Variants in ATP6V1C2 observed in about 807,000 individuals in gnomAD.
ATP6V1C2 encodes V-type proton ATPase subunit C 2.
ATP6V1C2 carries 45 observed loss-of-function variants against 56.8 expected under a neutral mutation model. The observed-to-expected ratio is 0.79, with a 90% CI of 0.62 to 1.02. The LOEUF is 1.02. Among genes scored for constraint, ATP6V1C2 ranks in the 50% least tolerant of loss-of-function variants. The probability of loss-of-function intolerance (pLI) is 0.00; values close to 1 mark genes in which losing one functional copy is unlikely to be tolerated. For synonymous variants in ATP6V1C2, 220 were observed against 201.3 expected (o/e 1.09, Z -0.79); for missense variants, 463 against 519.7 (o/e 0.89, Z 1.06).
chr2:10,749,390 A>G (rs1177781126), intron 3 of ATP6V1C2, among the ~76,000 whole-genome samples: 2 of 152,048 alleles, frequency 1.3e-5, no homozygotes, highest in Non-Finnish European at 2.9e-5. Flanking sequence ...ATATATGAAC[A>G]TGCTATCCAC....
At chr2:10,764,447 G>A (rs1234799130) in intron 5 of ATP6V1C2, 22 bp downstream of exon 5, 6 of 1,604,282 alleles carry the variant, frequency 3.7e-6, no homozygotes, top group Admixed American at 3.3e-5. Context: ...GACTGCTCTG[G>A]GGAACAGCTG....
intron 6 of ATP6V1C2, among the ~76,000 whole-genome samples, chr2:10,770,417 C>A (rs1309972154): frequency 1.3e-5 from 2 of 152,218 alleles, no homozygotes; most frequent in Admixed American, 1.3e-4. Flanking sequence ...AAGCCCACTT[C>A]AACTGGAAAC....
chr2:10,726,861 A>C (rs1398470079), intron 3 of ATP6V1C2, among the ~76,000 whole-genome samples: 1 of 152,146 alleles, frequency 6.6e-6, no homozygotes, highest in African/African-American at 2.4e-5. Flanking sequence ...GTTTCCCACC[A>C]AGCCTTTTTA....
At chr2:10,743,994 AAAAT>A (rs1423216834) in intron 3 of ATP6V1C2, among the ~76,000 whole-genome samples, 187 of 36,558 alleles carry the variant, frequency 5.1e-3, no homozygotes, top group Middle Eastern at 0.013. Context: ...AAAAAAAAAA[AAAAT>A]AATAATAATA....
At chr2:10,732,322 G>A (rs537160280) in intron 3 of ATP6V1C2, among the ~76,000 whole-genome samples, 1 of 152,062 alleles carries the variant, frequency 6.6e-6, no homozygotes, top group African/African-American at 2.4e-5. Flanking sequence ...GCAGTGGCGT[G>A]ATCTTGGCTC....
intron 3 of ATP6V1C2, among the ~76,000 whole-genome samples, chr2:10,748,891 C>T (rs1398723927): frequency 6.6e-6 from 1 of 151,534 alleles, no homozygotes; most frequent in Non-Finnish European, 1.5e-5. Flanking sequence ...GCACTTTGGG[C>T]GGCCGAGTGG....
At chr2:10,731,179 G>C (rs1661932139) in intron 3 of ATP6V1C2, among the ~76,000 whole-genome samples, 1 of 148,458 alleles carries the variant, frequency 6.7e-6, no homozygotes, top group South Asian at 2.1e-4. Flanking sequence ...GAACTCCTGG[G>C]CTCTAGCAAT....
chr2:10,741,892 C>CTCCTTCCTTCCTTCCT (rs56236466), intron 3 of ATP6V1C2, among the ~76,000 whole-genome samples: 5 of 144,190 alleles, frequency 3.5e-5, no homozygotes, highest in African/African-American at 1.3e-4. Flanking sequence ...CCCTCCTTCC[C>CTCCTTCCTTCCTTCCT]TCCTTCCTTC....
intron 4 of ATP6V1C2, chr2:10,757,442 T>C: frequency 2.5e-6 from 1 of 398,516 alleles, no homozygotes; most frequent in Non-Finnish European, 4.4e-6. Context: ...AAAGGAAAAA[T>C]GAAATGTTTA....
chr2:10,743,991 AAAAAAAT>A (rs56013737), intron 3 of ATP6V1C2, among the ~76,000 whole-genome samples: 72,169 of 141,276 alleles, frequency 0.51, 19,610 homozygotes, highest in Non-Finnish European at 0.64. Context: ...CAAAAAAAAA[AAAAAAAT>A]AATAATAATA....
intron 6 of ATP6V1C2, among the ~76,000 whole-genome samples, chr2:10,771,467 T>G (rs1664593967): frequency 6.6e-6 from 1 of 152,184 alleles, no homozygotes. Flanking sequence ...TGTTGACACT[T>G]GAGTAACTTT....
chr2:10,730,378 A>G (rs1466801676), intron 3 of ATP6V1C2, among the ~76,000 whole-genome samples: 1 of 152,130 alleles, frequency 6.6e-6, no homozygotes, highest in Non-Finnish European at 1.5e-5. Context: ...AGCCTCCCAA[A>G]GTGTTGGGAT....
At chr2:10,723,025 G>C in intron 2 of ATP6V1C2, 47 bp downstream of exon 2, 1 of 1,607,386 alleles carries the variant, frequency 6.2e-7, no homozygotes, top group South Asian at 1.1e-5. Context: ...TGGTCAGGGG[G>C]AGACAGGAGA....
At chr2:10,728,341 G>A (rs1661759943) in intron 3 of ATP6V1C2, among the ~76,000 whole-genome samples, 1 of 152,118 alleles carries the variant, frequency 6.6e-6, no homozygotes, top group South Asian at 2.1e-4. Flanking sequence ...GCCTCGGCCT[G>A]CCAAAGTGTT....
Position 10,783,164 on chromosome 2 carries a change from T to C in ATP6V1C2, c.1195-10T>C. 1 of 1,607,468 alleles carries C rather than the reference T, an allele frequency of 6.2e-7. No individual in the cohort carries two copies. Among genetic ancestry groups the C allele is most frequent in the Non-Finnish European group, 8.5e-7 (1 of 1,174,062 alleles). On this transcript the variant is annotated splice_polypyrimidine_tract_variant and intron_variant, in intron 13 of 13. Transcript: ENST00000272238. ...ATGCACTTAGAGCATTACCATGTCTTCTTTTGTAGGCATCTGTGGAGATCC... is the reference window on the plus strand; with the variant it reads ...ATGCACTTAGAGCATTACCATGTCTCCTTTTGTAGGCATCTGTGGAGATCC...
At chr2:10,746,406 TTTC>T (rs961097229) in intron 3 of ATP6V1C2, among the ~76,000 whole-genome samples, 5 of 151,972 alleles carry the variant, frequency 3.3e-5, no homozygotes, top group South Asian at 2.1e-4. Context: ...TCCTTTTTTT[TTTC>T]TTCTTCTTTT....
intron 5 of ATP6V1C2, among the ~76,000 whole-genome samples, chr2:10,766,329 A>G (rs1162205750): frequency 1.3e-5 from 2 of 152,322 alleles, no homozygotes; most frequent in African/African-American, 2.4e-5. Flanking sequence ...CAATCTATCA[A>G]CTAGAGACAT....
chr2:10,755,098 A>G (rs985140809), intron 4 of ATP6V1C2, among the ~76,000 whole-genome samples: 1 of 150,634 alleles, frequency 6.6e-6, no homozygotes, highest in African/African-American at 2.5e-5. Flanking sequence ...GCTCACCGCA[A>G]CCTCCCCCTC....
At chr2:10,754,651 C>T (rs1663423108) in intron 4 of ATP6V1C2, among the ~76,000 whole-genome samples, 1 of 151,998 alleles carries the variant, frequency 6.6e-6, no homozygotes, top group South Asian at 2.1e-4. Context: ...CGGCTCACTG[C>T]AAGCTCCGCC....
Sources: gnomAD v4.1 joint callset for allele counts (sites outside exome capture counted in the v4.1 genomes callset) on GRCh38, gnomAD v4.1.1 for gene constraint, MANE v1.5 for transcripts, NCBI Gene and HGNC (gene_info 2026-07-23, HGNC 2026-07-21) for gene names.